Variants in ATXN7 observed in about 807,000 individuals in gnomAD.
The protein encoded by ATXN7 is ataxin-7.
Under a neutral mutation model 70.5 loss-of-function variants are expected in ATXN7, and 12 were observed. The observed-to-expected ratio is 0.17, with a 90% confidence interval of 0.11 to 0.28. The LOEUF (loss-of-function observed/expected upper bound fraction) is 0.28, where lower values mean the gene tolerates loss of function less well. ATXN7 is among the 10% of genes least tolerant of loss of function. The probability of loss-of-function intolerance (pLI) is 1.00; values close to 1 mark genes in which losing one functional copy is unlikely to be tolerated. For missense variants in ATXN7, 1,256 were observed against 1,131.7 expected (o/e 1.11, Z -1.58); for synonymous variants, 498 against 448.7 (o/e 1.11, Z -1.39).
At chr3:63,941,873 G>A (rs373746688) in intron 4 of ATXN7, among the ~76,000 whole-genome samples, 1 of 151,994 alleles carries the variant, frequency 6.6e-6, no homozygotes, top group Admixed American at 6.5e-5. Flanking sequence ...TCACTTAACA[G>A]CAATTTAAAA....
chr3:63,949,529 G>A (rs2074919905), intron 4 of ATXN7, among the ~76,000 whole-genome samples: 1 of 152,088 alleles, frequency 6.6e-6, no homozygotes, highest in Admixed American at 6.6e-5. Context: ...CTCCTGAGTA[G>A]CTGTGGTTAC....
chr3:63,896,417 T>C (rs1703451160), intron 1 of ATXN7, among the ~76,000 whole-genome samples: 1 of 152,236 alleles, frequency 6.6e-6, no homozygotes, highest in Non-Finnish European at 1.5e-5. Flanking sequence ...ACTATTTCTC[T>C]TTGCAAAACA....
chr3:63,891,874 G>A (rs1448908468), intron 1 of ATXN7, among the ~76,000 whole-genome samples: 1 of 152,148 alleles, frequency 6.6e-6, no homozygotes, highest in Non-Finnish European at 1.5e-5. Context: ...TATTTAAAGA[G>A]GTGGGTAGAA....
intron 4 of ATXN7, among the ~76,000 whole-genome samples, chr3:63,938,406 A>G (rs1376207974): frequency 6.6e-6 from 1 of 152,222 alleles, no homozygotes; most frequent in African/African-American, 2.4e-5. Flanking sequence ...AGCCTTTGTA[A>G]TATTAAGAAG....
At chr3:63,990,914 C>G in intron 11 of ATXN7, 55 bp downstream of exon 11, 1 of 1,607,290 alleles carries the variant, frequency 6.2e-7, no homozygotes, top group Non-Finnish European at 8.5e-7. Context: ...GCTGCATTGT[C>G]TTTTATTTCC....
chr3:63,978,587 A>T (rs2075430576), intron 5 of ATXN7, among the ~76,000 whole-genome samples: 1 of 152,246 alleles, frequency 6.6e-6, no homozygotes, highest in Admixed American at 6.5e-5. Context: ...TTTATTCCTT[A>T]TACACAGCTT....
intron 12 of ATXN7, among the ~76,000 whole-genome samples, chr3:63,996,910 C>T (rs959029535): frequency 2.6e-5 from 4 of 152,162 alleles, no homozygotes; most frequent in Admixed American, 6.5e-5. Flanking sequence ...TTAGTATGTT[C>T]CGCTGAGGAA....
At chr3:63,977,158 A>G (rs918401098) in intron 5 of ATXN7, among the ~76,000 whole-genome samples, 4 of 152,200 alleles carry the variant, frequency 2.6e-5, no homozygotes, top group African/African-American at 9.6e-5. Flanking sequence ...TCAGCCAGGT[A>G]TAGTTTTCTG....
intron 1 of ATXN7, among the ~76,000 whole-genome samples, chr3:63,877,445 T>C (rs1702779621): frequency 6.6e-6 from 1 of 152,256 alleles, no homozygotes; most frequent in Admixed American, 6.5e-5. Context: ...GGGTACATAG[T>C]GTGAACCAAA....
chr3:63,895,078 T>C (rs1370947121), intron 1 of ATXN7, among the ~76,000 whole-genome samples: 2 of 152,178 alleles, frequency 1.3e-5, no homozygotes, highest in East Asian at 3.8e-4. Flanking sequence ...TCCAAGAACC[T>C]AGGGTGGCAG....
Position 63,967,900 on chromosome 3 carries a change from C to T in ATXN7, c.500-12015C>T, listed in dbSNP as rs77698491. ...TAGCAAGTGTGCAATGAAGCACAAC[C>T]AAATTCTGTGAATGGAAGGTAGCAA... On this transcript the variant is annotated intron_variant, in intron 5 of 12. Transcript: ENST00000674280. 8.3e-4 allele frequency: 1,271 copies of T among 1,535,918 alleles called. 3 individuals carry two copies. Among genetic ancestry groups the T allele is most frequent in the South Asian group, 2.4e-3 (205 of 84,054 alleles).
chr3:63,947,870 G>A (rs1053810715), intron 4 of ATXN7, among the ~76,000 whole-genome samples: 1 of 152,116 alleles, frequency 6.6e-6, no homozygotes, highest in Admixed American at 6.6e-5. Flanking sequence ...AGAGAAGGGA[G>A]GTCAGTGTGC....
At chr3:63,929,035 T>C (rs1450153637) in intron 4 of ATXN7, among the ~76,000 whole-genome samples, 3 of 152,150 alleles carry the variant, frequency 2.0e-5, no homozygotes, top group Non-Finnish European at 4.4e-5. Flanking sequence ...ATATAGTTTG[T>C]AGAATGCATG....
In ATXN7 at chr3:63,982,359, G is replaced by A. The variant is rs764126457; in HGVS notation, c.926G>A (p.Gly309Asp). 3.7e-6 allele frequency: 6 copies of A among 1,614,106 alleles called. No homozygotes were observed. Among genetic ancestry groups the A allele is most frequent in the Non-Finnish European group, 5.1e-6 (6 of 1,180,004 alleles). Residue 309 changes from glycine (G) to aspartate (D), a missense_variant, in exon 7 of 13, where the codon GGC becomes GAC. Physicochemically the swap from Gly to Asp is moderately conservative, Grantham distance 94. Transcript: ENST00000674280. ...CCTTCACCTGGACAGATTCTGAATG[G>A]CAAAGGGCTTCCTGCACCGCCCACT... ...TLPSPGQILN[G>D]KGLPAPPTLE...
chr3:63,999,591 G>C lies in ATXN7; in HGVS notation c.*124G>C, dbSNP rs779908613. On this transcript the variant is annotated 3_prime_UTR_variant, in exon 13 of 13. Coordinates refer to ENST00000674280, the MANE Select transcript of ATXN7 (RefSeq NM_001377405.1). ...TTTCCCAACCTCCTGTGGGCCTCAA[G>C]GGTAGAAACCTGCCGGGCTGTTGTT... 9.1e-6 allele frequency: 14 copies of C among 1,530,524 alleles called. No individual in the cohort carries two copies. Among genetic ancestry groups the C allele is most frequent in the Non-Finnish European group, 1.1e-5 (12 of 1,124,328 alleles). The allele number at this position is 1,530,524 out of a possible 1,614,324, so 94.8% of individuals were successfully genotyped here.
chr3:63,875,171 T>A (rs1249460170), intron 1 of ATXN7, among the ~76,000 whole-genome samples: 1 of 152,158 alleles, frequency 6.6e-6, no homozygotes, highest in Non-Finnish European at 1.5e-5. Context: ...TCCAGGCCGG[T>A]CTTGAACTCC....
chr3:63,948,818 G>A (rs1441364100), intron 4 of ATXN7, among the ~76,000 whole-genome samples: 1 of 152,102 alleles, frequency 6.6e-6, no homozygotes, highest in African/African-American at 2.4e-5. Flanking sequence ...TCACTAATTG[G>A]AACATAGGGG....
intron 1 of ATXN7, among the ~76,000 whole-genome samples, chr3:63,893,822 G>GTAGCA (rs3055576): frequency 0.6 from 90,898 of 151,420 alleles, 28,822 homozygotes; most frequent in South Asian, 0.72. Flanking sequence ...GGGGAATACA[G>GTAGCA]TAGCACCATT....
intron 4 of ATXN7, among the ~76,000 whole-genome samples, chr3:63,931,848 G>T (rs1317968471): frequency 6.6e-6 from 1 of 152,160 alleles, no homozygotes; most frequent in Non-Finnish European, 1.5e-5. Flanking sequence ...ATAAAACTGT[G>T]TCAAAGGAAA....
Sources: allele counts gnomAD v4.1 joint callset (sites outside exome capture counted in the v4.1 genomes callset), GRCh38; gene constraint gnomAD v4.1.1; transcripts MANE v1.5; gene names NCBI Gene and HGNC (gene_info 2026-07-23, HGNC 2026-07-21).